Variants in IL1RAPL2 observed in about 807,000 individuals in gnomAD.
The protein encoded by IL1RAPL2 is X-linked interleukin-1 receptor accessory protein-like 2.
In IL1RAPL2, 3 loss-of-function variants were observed where a neutral mutation model predicts 44.1. The ratio of observed to expected loss-of-function variants is 0.07; its 90% CI spans 0.03 to 0.18. IL1RAPL2 has a LOEUF of 0.18. Ranked by LOEUF, IL1RAPL2 falls within the 10% of genes least tolerant of loss-of-function variation. The pLI is 1.00. For missense variants in IL1RAPL2, 391 were observed against 496.4 expected, an observed-to-expected ratio of 0.79 and a Z score of 2.02; for synonymous variants, 181 against 178.8, an observed-to-expected ratio of 1.01 and a Z score of -0.10.
intron 6 of IL1RAPL2, among the ~76,000 whole-genome samples, chrX:105,653,283 T>C (rs2037653943): frequency 9.0e-6 from 1 of 111,550 alleles, no homozygotes; most frequent in Non-Finnish European, 1.9e-5. Context: ...TGCATGAGAA[T>C]GTGACACATC....
chrX:104,737,738 A>G (rs1431913692), intron 2 of IL1RAPL2, among the ~76,000 whole-genome samples: 1 of 111,925 alleles, frequency 8.9e-6, no homozygotes, highest in Non-Finnish European at 1.9e-5. Flanking sequence ...GTATTTTATT[A>G]TTCATAGACA....
At chrX:105,344,438 G>A (rs185682911) in intron 5 of IL1RAPL2, among the ~76,000 whole-genome samples, 16 of 111,321 alleles carry the variant, frequency 1.4e-4, no homozygotes, top group African/African-American at 5.2e-4. Flanking sequence ...CCTCATGTCT[G>A]TGTTGAGGAT....
intron 5 of IL1RAPL2, among the ~76,000 whole-genome samples, chrX:105,403,900 C>T (rs944649492): frequency 8.1e-5 from 9 of 111,475 alleles, no homozygotes; most frequent in Admixed American, 3.8e-4. Context: ...CTTTTGTTAA[C>T]GTAATAATTT....
rs768860103 is a variant in IL1RAPL2, at chrX:105,139,957, G to C, written c.83-55518G>C. Among the ~76,000 whole-genome samples, 4 of 112,048 alleles carry C rather than the reference G, an allele frequency of 3.6e-5. No individual in the cohort carries two copies. The East Asian group carries it at 8.5e-4, about 24-fold the overall frequency. On this transcript the variant is annotated intron_variant, in intron 2 of 10. Transcript: ENST00000372582. ...AGACAGATGTCATCTAACACAGTGG[G>C]AGAGGAGGATGTGTGGTAGAGCTGC...
intron 2 of IL1RAPL2, among the ~76,000 whole-genome samples, chrX:105,160,613 C>T (rs1411248077): frequency 9.0e-6 from 1 of 111,226 alleles, no homozygotes; most frequent in African/African-American, 3.3e-5. Flanking sequence ...TCATTTCATT[C>T]TCCCCAAAAC....
chrX:104,702,323 T>A (rs886730936), intron 2 of IL1RAPL2, among the ~76,000 whole-genome samples: 1 of 111,929 alleles, frequency 8.9e-6, no homozygotes, highest in Non-Finnish European at 1.9e-5. Context: ...TGACTGCCCT[T>A]AAAGAATAGA....
chrX:105,358,360 C>CTTTTTTTTTT (rs398069281), intron 5 of IL1RAPL2, among the ~76,000 whole-genome samples: 1 of 87,990 alleles, frequency 1.1e-5, no homozygotes, highest in Non-Finnish European at 2.3e-5. Flanking sequence ...AAAGTTCAGT[C>CTTTTTTTTTT]TTTTTTTTTT....
chrX:105,130,402 C>T (rs1185296092), intron 2 of IL1RAPL2, among the ~76,000 whole-genome samples: 1 of 111,304 alleles, frequency 9.0e-6, no homozygotes, highest in African/African-American at 3.3e-5. Flanking sequence ...CTATTCTGTA[C>T]CAATGCCTCT....
intron 5 of IL1RAPL2, among the ~76,000 whole-genome samples, chrX:105,483,896 C>T (rs2036248663): frequency 9.0e-6 from 1 of 111,302 alleles, no homozygotes; most frequent in African/African-American, 3.3e-5. Context: ...GGGGATAATT[C>T]AGAGGTTTAG....
At position 104,849,179 on chromosome X, in the gene IL1RAPL2, G is replaced by A. The variant is rs181236439; in HGVS notation, c.82+190184G>A. 2.8e-3 allele frequency among the ~76,000 whole-genome samples: 300 copies of A among 105,758 alleles called. 2 individuals carry two copies. The highest frequency in any genetic ancestry group is 9.8e-3 in the African/African-American group (283 of 28,995). 91.8% of individuals were successfully genotyped at this position (105,758 alleles called of 115,157 possible). A position where few individuals can be genotyped will look rare whatever the true frequency, so the allele number is the denominator to read the frequency against. On this transcript the variant is annotated intron_variant, in intron 2 of 10. Coordinates refer to ENST00000372582, the MANE Select transcript of IL1RAPL2 (RefSeq NM_017416.2). ...TGAGTAGCTAGAAGTACAGGTTCCCGCCACCACACCCAGTCAATTTTTGTA... is the reference window on the plus strand; with the variant it reads ...TGAGTAGCTAGAAGTACAGGTTCCCACCACCACACCCAGTCAATTTTTGTA...
intron 5 of IL1RAPL2, among the ~76,000 whole-genome samples, chrX:105,479,368 A>G (rs767466701): frequency 8.9e-6 from 1 of 111,766 alleles, no homozygotes; most frequent in Non-Finnish European, 1.9e-5. Flanking sequence ...GCCAAGATGC[A>G]TAGTTGGAAA....
intron 2 of IL1RAPL2, among the ~76,000 whole-genome samples, chrX:105,075,805 T>G (rs1361065209): frequency 8.9e-6 from 1 of 112,172 alleles, no homozygotes; most frequent in African/African-American, 3.2e-5. Context: ...ATCCATTTCT[T>G]GTAGATTTTC....
chrX:105,713,596 G>T (rs971279081), intron 6 of IL1RAPL2, among the ~76,000 whole-genome samples: 1 of 111,383 alleles, frequency 9.0e-6, no homozygotes, highest in Non-Finnish European at 1.9e-5. Context: ...GATGAGATTT[G>T]GGTGGAAACA....
chrX:105,193,858 G>T (rs1446136007), intron 2 of IL1RAPL2, among the ~76,000 whole-genome samples: 1 of 111,664 alleles, frequency 9.0e-6, no homozygotes, highest in African/African-American at 3.3e-5. Flanking sequence ...TTATTTATTT[G>T]TTTGTTTGTT....
intron 6 of IL1RAPL2, among the ~76,000 whole-genome samples, chrX:105,604,363 A>G (rs1160431047): frequency 9.0e-6 from 1 of 111,294 alleles, no homozygotes; most frequent in Non-Finnish European, 1.9e-5. Context: ...AGCAACAATT[A>G]TCAACAGCAA....
chrX:104,777,704 G>A (rs1042161124), intron 2 of IL1RAPL2, among the ~76,000 whole-genome samples: 1 of 109,329 alleles, frequency 9.1e-6, no homozygotes, highest in Non-Finnish European at 1.9e-5. Context: ...AGCCTCCTGA[G>A]TAGCTGGGAT....
intron 2 of IL1RAPL2, among the ~76,000 whole-genome samples, chrX:105,026,936 A>G (rs1203881710): frequency 1.8e-5 from 2 of 111,310 alleles, no homozygotes; most frequent in African/African-American, 3.3e-5. Flanking sequence ...TAACCAAGCA[A>G]TAGTAACCAA....
intron 1 of IL1RAPL2, among the ~76,000 whole-genome samples, chrX:104,571,784 C>T (rs1267902691): frequency 3.6e-5 from 4 of 111,889 alleles, no homozygotes; most frequent in Non-Finnish European, 1.9e-5. Flanking sequence ...GCACGGCCAA[C>T]CATTTGGTGG....
intron 3 of IL1RAPL2, among the ~76,000 whole-genome samples, chrX:105,196,489 A>G (rs782131578): frequency 9.0e-6 from 1 of 111,158 alleles, no homozygotes; most frequent in East Asian, 2.9e-4. Context: ...AAATGCGTCT[A>G]GATTTCTCAG....
Sources: allele counts gnomAD v4.1 joint callset (sites outside exome capture counted in the v4.1 genomes callset), GRCh38; gene constraint gnomAD v4.1.1; transcripts MANE v1.5; gene names NCBI Gene and HGNC (gene_info 2026-07-23, HGNC 2026-07-21).